Variants in MYO10 observed in about 807,000 individuals in gnomAD.
MYO10 encodes the protein myosin X.
A neutral mutation model predicts 257.3 loss-of-function variants in MYO10; 133 were observed. That is an observed-to-expected ratio of 0.52 (90% CI 0.45 to 0.60). The LOEUF (loss-of-function observed/expected upper bound fraction) is 0.60, where lower values mean the gene tolerates loss of function less well. Among genes scored for constraint, MYO10 ranks in the 20% least tolerant of loss-of-function variants. MYO10 has a pLI of 0.00. For missense variants in MYO10, 2,399 were observed against 2,635.7 expected (o/e 0.91, Z 1.97); for synonymous variants, 1,104 against 1,028.6 (o/e 1.07, Z -1.40).
chr5:16,764,476 GA>G (rs1740808183), intron 11 of MYO10, 80 bp from the exon 12 acceptor site: 1 of 1,521,694 alleles, frequency 6.6e-7, no homozygotes, highest in African/African-American at 1.4e-5. Context: ...CCACTTGAGA[GA>G]CACACACAAG....
At chr5:16,687,113 G>A (rs1273902492) in intron 28 of MYO10, among the ~76,000 whole-genome samples, 1 of 151,610 alleles carries the variant, frequency 6.6e-6, no homozygotes, top group Admixed American at 6.6e-5. Context: ...CTTGAGCCCA[G>A]GAATTTGAGA....
At chr5:16,700,416 C>G (rs960794398) in intron 25 of MYO10, among the ~76,000 whole-genome samples, 2 of 152,216 alleles carry the variant, frequency 1.3e-5, no homozygotes, top group African/African-American at 4.8e-5. Context: ...GTGGCTCACG[C>G]CTGTAATCCC....
chr5:16,694,502 C>A lies in MYO10; in HGVS notation c.3669G>T (p.Gly1223=), dbSNP rs138827481. 17 of 1,614,030 alleles carry A rather than the reference C, an allele frequency of 1.1e-5. No individual in the cohort carries two copies. Among genetic ancestry groups the A allele is most frequent in the South Asian group, 2.2e-5 (2 of 91,084 alleles). The change falls in exon 27 of 41, where the codon GGG becomes GGT. Residue 1223 remains glycine, a synonymous_variant. Transcript: ENST00000513610. ...ALKQGWLHKK[G]GGSSTLSRRN... ...TCCTGGACAGCGTGGAGGAGCCCCCCCCTTTTTTGTGGAGCCAGCCTTGCT... is the reference window on the plus strand; with the variant it reads ...TCCTGGACAGCGTGGAGGAGCCCCCACCTTTTTTGTGGAGCCAGCCTTGCT...
intron 19 of MYO10, among the ~76,000 whole-genome samples, chr5:16,722,300 C>A (rs1326505444): frequency 6.6e-6 from 1 of 152,212 alleles, no homozygotes; most frequent in Admixed American, 6.5e-5. Context: ...ATTACACATT[C>A]TTGCAGCGGA....
intron 3 of MYO10, among the ~76,000 whole-genome samples, chr5:16,796,423 A>AAGACG (rs1741963332): frequency 1.1e-5 from 1 of 89,094 alleles, no homozygotes; most frequent in African/African-American, 5.2e-5. Context: ...AAAGAAAGGA[A>AAGACG]AAAGAAAGAA....
intron 1 of MYO10, among the ~76,000 whole-genome samples, chr5:16,898,935 T>TA (rs1745297313): frequency 8.7e-6 from 1 of 114,474 alleles, no homozygotes. Flanking sequence ...CACCTGAGCC[T>TA]GGCCACCTGG....
At chr5:16,680,131 C>A in intron 32 of MYO10, 27 bp from the exon 33 acceptor site, 1 of 1,593,808 alleles carries the variant, frequency 6.3e-7, no homozygotes, top group East Asian at 2.3e-5. Context: ...GCCCAGCACA[C>A]GCACGTCAAC....
chr5:16,753,558 C>T (rs1188268413), intron 19 of MYO10, among the ~76,000 whole-genome samples: 5 of 150,076 alleles, frequency 3.3e-5, no homozygotes, highest in African/African-American at 1.2e-4. Flanking sequence ...GCAACCTCCA[C>T]CTCCTGGGTT....
chr5:16,786,297 A>G (rs1741577931), intron 4 of MYO10, among the ~76,000 whole-genome samples: 1 of 152,174 alleles, frequency 6.6e-6, no homozygotes, highest in African/African-American at 2.4e-5. Flanking sequence ...AAGAAAACCC[A>G]GGATTCTCGT....
chr5:16,710,808 G>C, intron 21 of MYO10, 100 bp downstream of exon 21: 1 of 977,950 alleles, frequency 1.0e-6, no homozygotes, highest in Non-Finnish European at 1.5e-6. Context: ...CAATGTGAAA[G>C]AACAATTGTA....
At chr5:16,879,886 A>C (rs563339097) in intron 1 of MYO10, among the ~76,000 whole-genome samples, 1 of 152,282 alleles carries the variant, frequency 6.6e-6, no homozygotes, top group South Asian at 2.1e-4. Flanking sequence ...TTTAAAATCC[A>C]CGAGCCAGAG....
At chr5:16,704,259 A>T (rs868623751) in intron 22 of MYO10, among the ~76,000 whole-genome samples, 23 of 152,134 alleles carry the variant, frequency 1.5e-4, no homozygotes, top group African/African-American at 5.6e-4. Context: ...CAGGAGGTCA[A>T]GGCTGCAATA....
At chr5:16,742,184 G>A in intron 19 of MYO10, 1 of 985,282 alleles carries the variant, frequency 1.0e-6, no homozygotes, top group Non-Finnish European at 1.2e-6. Flanking sequence ...GTTTAGTTGT[G>A]ATCTTGGAAA....
chr5:16,755,054 T>C (rs1444132603), intron 18 of MYO10, 146 bp from the exon 19 acceptor site: 3 of 438,844 alleles, frequency 6.8e-6, no homozygotes, highest in East Asian at 3.4e-5. Flanking sequence ...TTTTTAATTG[T>C]CATTCTAATA....
chr5:16,925,605 T>G (rs1462403322), intron 1 of MYO10, among the ~76,000 whole-genome samples: 3 of 152,128 alleles, frequency 2.0e-5, no homozygotes, highest in Non-Finnish European at 4.4e-5. Flanking sequence ...AGAGATGAGG[T>G]TTCACCTTGT....
Position 16,676,043 on chromosome 5 carries a change from T to A in MYO10, c.4654A>T (p.Ile1552Leu), listed in dbSNP as rs760058438. 3.7e-6 allele frequency: 6 copies of A among 1,608,708 alleles called. No homozygotes were observed. The African/African-American group carries it at 5.4e-5, about 14-fold the overall frequency. The change falls in exon 34 of 41, where the codon ATA becomes TTA. Residue 1552 changes from isoleucine to leucine, a missense_variant. Transcript: ENST00000513610. ...SPLLPLPYGD[I>L]NLNLLKDKGY... The stretch of plus-strand genomic sequence containing the variant: ...GCTCTGGACTTACAGTTGAGATTTA[T>A]GTCCCCATACGGAAGGGGCAGGAGC...
At chr5:16,916,482 G>C (rs35151606) in intron 1 of MYO10, 11,563 of 174,060 alleles carry the variant, frequency 0.066, 472 homozygotes, top group African/African-American at 0.11. Context: ...GAAGGGAAAA[G>C]AGGAGAGGAG....
chr5:16,710,168 T>C (rs1407532390), intron 21 of MYO10, among the ~76,000 whole-genome samples: 1 of 150,098 alleles, frequency 6.7e-6, no homozygotes, highest in Non-Finnish European at 1.5e-5. Flanking sequence ...CGAGGACACA[T>C]GTGTCCTCAG....
At chr5:16,735,551 A>G (rs918436589) in intron 19 of MYO10, among the ~76,000 whole-genome samples, 6 of 151,982 alleles carry the variant, frequency 3.9e-5, no homozygotes, top group African/African-American at 1.4e-4. Flanking sequence ...CCAAAAATAA[A>G]CAAAATTAGC....
Sources: gnomAD v4.1 joint callset for allele counts (sites outside exome capture counted in the v4.1 genomes callset) on GRCh38, gnomAD v4.1.1 for gene constraint, MANE v1.5 for transcripts, NCBI Gene and HGNC (gene_info 2026-07-23, HGNC 2026-07-21) for gene names.